MDFIC: variants seen among roughly 807,000 people sequenced by gnomAD.
MDFIC encodes the protein myoD family inhibitor domain-containing protein.
MDFIC carries 17 observed loss-of-function variants against 23.2 expected under a neutral mutation model. The ratio of observed to expected loss-of-function variants is 0.73; its 90% CI spans 0.50 to 1.10. The LOEUF (loss-of-function observed/expected upper bound fraction) is 1.10, where lower values mean the gene tolerates loss of function less well. Ranked by LOEUF, MDFIC falls within the 50% of genes least tolerant of loss-of-function variation. The probability of loss-of-function intolerance (pLI) is 0.00; values close to 1 mark genes in which losing one functional copy is unlikely to be tolerated. For synonymous variants in MDFIC, 120 were observed against 115.2 expected, an observed-to-expected ratio of 1.04 and a Z score of -0.27; for missense variants, 356 against 316.6, an observed-to-expected ratio of 1.12 and a Z score of -0.95.
chr7:114,985,640 C>T (rs1168224025), intron 4 of MDFIC, among the ~76,000 whole-genome samples: 2 of 151,886 alleles, frequency 1.3e-5, no homozygotes, highest in East Asian at 3.9e-4. Flanking sequence ...CCATCTCTCA[C>T]CACCTCCCTC....
intron 4 of MDFIC, among the ~76,000 whole-genome samples, chr7:114,983,008 T>C (rs1477666299): frequency 7.2e-5 from 11 of 152,224 alleles, no homozygotes; most frequent in Admixed American, 7.2e-4. Context: ...TTGAAGGACT[T>C]ACCTCTTAAT....
chr7:114,935,192 A>G (rs1266709323), intron 2 of MDFIC, among the ~76,000 whole-genome samples: 1 of 152,138 alleles, frequency 6.6e-6, no homozygotes, highest in Non-Finnish European at 1.5e-5. Flanking sequence ...GGAAGAGTAA[A>G]TATGAAATTG....
intron 4 of MDFIC, among the ~76,000 whole-genome samples, chr7:115,007,548 C>T (rs1791592998): frequency 6.7e-6 from 1 of 149,280 alleles, no homozygotes; most frequent in Non-Finnish European, 1.5e-5. Context: ...AAACTTTTAC[C>T]CCTCTTCAGA....
intron 3 of MDFIC, among the ~76,000 whole-genome samples, chr7:114,967,992 T>A (rs908120822): frequency 3.3e-5 from 5 of 152,012 alleles, no homozygotes; most frequent in African/African-American, 1.2e-4. Flanking sequence ...CCACACCCAG[T>A]TTTTTTAAAA....
intron 4 of MDFIC, among the ~76,000 whole-genome samples, chr7:115,004,877 C>T (rs974481629): frequency 3.9e-5 from 6 of 152,164 alleles, no homozygotes; most frequent in Non-Finnish European, 8.8e-5. Flanking sequence ...CTTTCCAGGC[C>T]CACATTCAGC....
intron 2 of MDFIC, among the ~76,000 whole-genome samples, chr7:114,937,359 A>G (rs1292204593): frequency 6.6e-6 from 1 of 152,190 alleles, no homozygotes; most frequent in Non-Finnish European, 1.5e-5. Flanking sequence ...TGCTCAATTC[A>G]TGTTTGTCAC....
chr7:114,996,155 C>T (rs1169591604), intron 4 of MDFIC, among the ~76,000 whole-genome samples: 3 of 152,196 alleles, frequency 2.0e-5, no homozygotes, highest in African/African-American at 7.2e-5. Context: ...TTAAACATCA[C>T]TTTGCCTTTT....
Position 115,015,561 on chromosome 7 carries a change from A to G in MDFIC, c.494-127A>G, listed in dbSNP as rs189196407. On this transcript the variant is annotated intron_variant, in intron 4 of 4. Transcript: ENST00000393486. ...TCCTTTTTGAGCTTCCAGCTCACAA[A>G]GCAAACTTCATTTGGGTTGTGGATT... 7,145 of 1,301,234 alleles carry G rather than the reference A, an allele frequency of 5.5e-3. 37 individuals carry two copies. Among genetic ancestry groups the G allele is most frequent in the Non-Finnish European group, 6.3e-3 (5,966 of 947,402 alleles). The allele number at this position is 1,301,234 out of a possible 1,614,324, so 80.6% of individuals were successfully genotyped here. A position where few individuals can be genotyped will look rare whatever the true frequency, so the allele number is the denominator to read the frequency against.
chr7:114,980,449 C>T (rs1010896876), intron 4 of MDFIC, among the ~76,000 whole-genome samples: 1 of 152,160 alleles, frequency 6.6e-6, no homozygotes, highest in Non-Finnish European at 1.5e-5. Context: ...TCTCATCCTG[C>T]CCTTGGCTGG....
intron 4 of MDFIC, among the ~76,000 whole-genome samples, chr7:115,010,428 A>G (rs552916563): frequency 6.6e-6 from 1 of 152,338 alleles, no homozygotes; most frequent in Admixed American, 6.5e-5. Flanking sequence ...CAGATCATTT[A>G]AAGATCTGGT....
intron 4 of MDFIC, among the ~76,000 whole-genome samples, chr7:114,997,196 A>G (rs1432372358): frequency 1.3e-5 from 2 of 152,194 alleles, no homozygotes; most frequent in Non-Finnish European, 2.9e-5. Flanking sequence ...TTACTCTACC[A>G]AGGAGTTTTC....
chr7:114,989,496 A>G (rs554643255), intron 4 of MDFIC, among the ~76,000 whole-genome samples: 2 of 152,252 alleles, frequency 1.3e-5, no homozygotes, highest in African/African-American at 4.8e-5. Flanking sequence ...GCTGGAAAAG[A>G]TCCAGGAGAG....
chr7:114,933,199 A>T (rs1177351087), intron 2 of MDFIC, among the ~76,000 whole-genome samples: 1 of 152,202 alleles, frequency 6.6e-6, no homozygotes, highest in Non-Finnish European at 1.5e-5. Context: ...CTGAAAGACT[A>T]AAGATGGGTG....
Position 114,922,564 on chromosome 7 carries a change from G to C in MDFIC, c.-180G>C. ...AAAATGCGGCCGCTGCCGGAGGCTC[G>C]CTAACTTTCCGGGGCGGAAGAGGAG... On this transcript the variant is annotated 5_prime_UTR_variant, in exon 1 of 5. Coordinates refer to ENST00000393486, the MANE Select transcript of MDFIC (RefSeq NM_001166345.3). 2 of 1,269,162 alleles carry C rather than the reference G, an allele frequency of 1.6e-6. No homozygotes were observed. The highest frequency in any genetic ancestry group is 3.6e-5 in the South Asian group (1 of 27,772). 78.6% of individuals were successfully genotyped at this position (1,269,162 alleles called of 1,614,324 possible). A position where few individuals can be genotyped will look rare whatever the true frequency, so the allele number is the denominator to read the frequency against.
At chr7:115,001,276 G>A (rs1171366869) in intron 4 of MDFIC, among the ~76,000 whole-genome samples, 2 of 152,198 alleles carry the variant, frequency 1.3e-5, no homozygotes, top group East Asian at 3.9e-4. Context: ...GAGCAAAATG[G>A]ATTAATATAC....
intron 4 of MDFIC, among the ~76,000 whole-genome samples, chr7:114,988,538 G>A (rs1291912264): frequency 1.3e-5 from 2 of 152,106 alleles, no homozygotes; most frequent in African/African-American, 4.8e-5. Context: ...TAGAGTTTCA[G>A]GATTAAATGA....
intron 3 of MDFIC, among the ~76,000 whole-genome samples, chr7:114,946,898 C>T (rs1178662594): frequency 6.6e-6 from 1 of 152,160 alleles, no homozygotes; most frequent in Non-Finnish European, 1.5e-5. Context: ...ATGCGGATCA[C>T]CCCTTAATGC....
intron 3 of MDFIC, among the ~76,000 whole-genome samples, chr7:114,958,475 G>A (rs1792924826): frequency 6.6e-6 from 1 of 152,198 alleles, no homozygotes; most frequent in Admixed American, 6.5e-5. Context: ...TCCCGGCTGG[G>A]CAAGGTGGCT....
chr7:115,003,287 C>G (rs1177604586), intron 4 of MDFIC, among the ~76,000 whole-genome samples: 1 of 152,118 alleles, frequency 6.6e-6, no homozygotes, highest in Non-Finnish European at 1.5e-5. Context: ...TTTCAGCCAC[C>G]TTTCACCCCC....
Sources: gnomAD v4.1 joint callset for allele counts (sites outside exome capture counted in the v4.1 genomes callset) on GRCh38, gnomAD v4.1.1 for gene constraint, MANE v1.5 for transcripts, NCBI Gene and HGNC (gene_info 2026-07-23, HGNC 2026-07-21) for gene names.